The following POLR3C variants were observed in gnomAD, a reference collection of about 807,000 sequenced individuals.
The protein encoded by POLR3C is RNA polymerase III subunit C.
In POLR3C, 44 loss-of-function variants were observed where a neutral mutation model predicts 65.9. That is an observed-to-expected ratio of 0.67 (90% CI 0.52 to 0.86). The LOEUF (loss-of-function observed/expected upper bound fraction) is 0.86, where lower values mean the gene tolerates loss of function less well. Ranked by LOEUF, POLR3C falls within the 40% of genes least tolerant of loss-of-function variation. POLR3C has a pLI of 0.00. For missense variants in POLR3C, 576 were observed against 653.2 expected (o/e 0.88, Z 1.29); for synonymous variants, 263 against 231.6 (o/e 1.14, Z -1.23).
chr1:145,832,715 G>A (rs1553727490), intron 5 of POLR3C, among the ~76,000 whole-genome samples: 1 of 152,108 alleles, frequency 6.6e-6, no homozygotes, highest in African/African-American at 2.4e-5. Context: ...TGAAAGTAAT[G>A]GAGAAGAGTT....
At position 145,843,298 on chromosome 1, in the gene POLR3C, T is replaced by A. The variant is rs1371837433; in HGVS notation, c.*878T>A. On this transcript the variant is annotated 3_prime_UTR_variant, in exon 15 of 15. Coordinates refer to ENST00000334163, the MANE Select transcript of POLR3C (RefSeq NM_006468.8). ...CCTCTTCTCCATGGTTCCTTAAAAC[T>A]GGCAACGCTAAATTCTCTCTCTCAG... 6.6e-6 allele frequency among the ~76,000 whole-genome samples: 1 copy of A among 152,210 alleles called. No individual in the cohort carries two copies. The highest frequency in any genetic ancestry group is 2.1e-4 in the South Asian group (1 of 4,832).
At position 145,825,399 on chromosome 1, in the gene POLR3C, C is replaced by G. The variant is rs999173191; in HGVS notation, c.-20-358C>G. Among the ~76,000 whole-genome samples, 4 of 152,306 alleles carry G rather than the reference C, an allele frequency of 2.6e-5. No homozygotes were observed. In the East Asian group the frequency reaches 5.8e-4, roughly 22 times the overall value. On this transcript the variant is annotated intron_variant, in intron 1 of 14. Coordinates refer to ENST00000334163, the MANE Select transcript of POLR3C (RefSeq NM_006468.8). ...GTGCTAGGATTACAGGCCTGAGCCA[C>G]CGCGCCAGCCTATTATGAATAATTT...
chr1:145,824,704 AAGGAGT>A (rs1372509347), intron 1 of POLR3C, among the ~76,000 whole-genome samples: 8 of 152,328 alleles, frequency 5.3e-5, no homozygotes, highest in Admixed American at 2.0e-4. Context: ...CAACTTTGTC[AAGGAGT>A]AGAAGTTTAA....
intron 14 of POLR3C, among the ~76,000 whole-genome samples, chr1:145,841,731 A>G (rs1432956590): frequency 2.0e-5 from 3 of 151,900 alleles, no homozygotes. Context: ...GATTTTTTAT[A>G]ATAGGATTAT....
chr1:145,834,637 T>C (rs1294827917), intron 7 of POLR3C, among the ~76,000 whole-genome samples: 1 of 152,064 alleles, frequency 6.6e-6, no homozygotes, highest in African/African-American at 2.4e-5. Flanking sequence ...ATCATACCAC[T>C]GCACTCCAGC....
intron 1 of POLR3C, among the ~76,000 whole-genome samples, chr1:145,824,813 C>G (rs1650566736): frequency 6.6e-6 from 1 of 152,054 alleles, no homozygotes; most frequent in Non-Finnish European, 1.5e-5. Flanking sequence ...ATTTCTTTTT[C>G]GAAATTATCA....
At position 145,843,384 on chromosome 1, in the gene POLR3C, A is replaced by AAT. The variant is rs587650657; in HGVS notation, c.*967_*968dup. On this transcript the variant is annotated 3_prime_UTR_variant, in exon 15 of 15. Coordinates refer to ENST00000334163, the MANE Select transcript of POLR3C (RefSeq NM_006468.8). ...CATTTAAAGCAGTTAGATGTTTTAT[A>AAT]ATATCTTCAGTTTTCTCTCACCAAT... is the stretch of plus-strand genomic sequence containing the variant. Among the ~76,000 whole-genome samples the AAT allele has an allele frequency of 5.8e-4, 87 of 149,760 alleles. No homozygotes were observed. Among genetic ancestry groups the AAT allele is most frequent in the African/African-American group, 2.1e-3 (85 of 40,562 alleles).
At chr1:145,837,096 C>T (rs1651912507) in intron 9 of POLR3C, among the ~76,000 whole-genome samples, 1 of 152,076 alleles carries the variant, frequency 6.6e-6, no homozygotes, top group African/African-American at 2.4e-5. Flanking sequence ...ATTGCATGAA[C>T]CCAGGAGTTC....
chr1:145,831,135 TACC>T (rs1651276253), intron 5 of POLR3C, among the ~76,000 whole-genome samples: 1 of 151,864 alleles, frequency 6.6e-6, no homozygotes, highest in Non-Finnish European at 1.5e-5. Flanking sequence ...ATAGTGTAGT[TACC>T]TGAAAACTTA....
In POLR3C at chr1:145,838,334, T is replaced by G. The variant is rs1201988056; in HGVS notation, c.1221+128T>G. ...CAGCTCTGAGACAGAAAAACATGAT[T>G]CACAGAGACATAGCGAGCACTTGGA... On this transcript the variant is annotated intron_variant, in intron 11 of 14. Transcript: ENST00000334163. 6.5e-6 allele frequency: 5 copies of G among 766,546 alleles called. No individual in the cohort carries two copies. The African/African-American group carries it at 8.7e-5, about 13-fold the overall frequency. The allele number at this position is 766,546 out of a possible 1,614,324, so 47.5% of individuals were successfully genotyped here. A position where few individuals can be genotyped will look rare whatever the true frequency, so the allele number is the denominator to read the frequency against.
Position 145,842,372 on chromosome 1 carries a change from C to G in POLR3C, c.1557C>G (p.Thr519=). The G allele has an allele frequency of 2.5e-6, 4 of 1,611,916 alleles. No homozygotes were observed. Among genetic ancestry groups the G allele is most frequent in the Non-Finnish European group, 1.7e-6 (2 of 1,178,608 alleles). The change falls in exon 15 of 15, where the codon ACC becomes ACG. Residue 519 remains threonine (T), a synonymous_variant. Transcript: ENST00000334163. ...CCAGTGAGATCCAGGTGGACGAAACCATCTTCCTGCTGGAGTCTTACATTG... is the reference window on the plus strand; with the variant it reads ...CCAGTGAGATCCAGGTGGACGAAACGATCTTCCTGCTGGAGTCTTACATTG... ...LDASEIQVDE[T]IFLLESYIEC...
intron 11 of POLR3C, 157 bp from the exon 12 acceptor site, chr1:145,839,733 A>G (rs1451718225): frequency 1.7e-6 from 1 of 584,006 alleles, no homozygotes; most frequent in East Asian, 2.8e-5. Flanking sequence ...CCAGTCTCAA[A>G]ATAAATAAAT....
At chr1:145,840,863 C>A in intron 13 of POLR3C, 59 bp from the exon 14 acceptor site, 2 of 1,366,766 alleles carry the variant, frequency 1.5e-6, no homozygotes, top group Non-Finnish European at 2.1e-6. Flanking sequence ...CTCAGACACA[C>A]GTGGTAAGAG....
intron 13 of POLR3C, 43 bp downstream of exon 13, chr1:145,840,208 C>G: frequency 1.6e-6 from 2 of 1,257,284 alleles, no homozygotes; most frequent in Non-Finnish European, 1.2e-6. Context: ...CTTTCAAGAT[C>G]AAGGGCCTCA....
intron 11 of POLR3C, among the ~76,000 whole-genome samples, chr1:145,838,540 G>T (rs1553729492): frequency 6.6e-6 from 1 of 151,970 alleles, no homozygotes; most frequent in East Asian, 1.9e-4. Flanking sequence ...ACAATTAGCT[G>T]GGCCTGGTGG....
At position 145,828,736 on chromosome 1, in the gene POLR3C, G is replaced by A; in HGVS notation, c.590-13G>A. On this transcript the variant is annotated splice_polypyrimidine_tract_variant and intron_variant, in intron 4 of 14. Transcript: ENST00000334163. Reference sequence around the variant, plus strand: ...TGAGATATAGTCTAAGTGTTTAATTGTTTGTTTGGCAGGGAAAGGTAAAAG... The same window carrying A: ...TGAGATATAGTCTAAGTGTTTAATTATTTGTTTGGCAGGGAAAGGTAAAAG... 6 of 1,580,712 alleles carry A rather than the reference G, an allele frequency of 3.8e-6. No individual in the cohort carries two copies. The highest frequency in any genetic ancestry group is 5.2e-6 in the Non-Finnish European group (6 of 1,149,636).
At chr1:145,829,327 G>T (rs1437496762) in intron 5 of POLR3C, among the ~76,000 whole-genome samples, 1 of 152,124 alleles carries the variant, frequency 6.6e-6, no homozygotes, top group Non-Finnish European at 1.5e-5. Context: ...CAGCCGCCTA[G>T]GACACCACCA....
chr1:145,839,576 T>A (rs1489007292), intron 11 of POLR3C: 1 of 223,914 alleles, frequency 4.5e-6, no homozygotes, highest in Non-Finnish European at 8.8e-6. Context: ...CCCCAAAAGA[T>A]TAAAAAATTA....
chr1:145,827,177 CAT>C (rs1650832190), intron 4 of POLR3C, among the ~76,000 whole-genome samples, 172 bp downstream of exon 4: 1 of 152,124 alleles, frequency 6.6e-6, no homozygotes, highest in Admixed American at 6.5e-5. Context: ...GTATAGGAGA[CAT>C]ACATTAATCG....
Sources: allele counts gnomAD v4.1 joint callset (sites outside exome capture counted in the v4.1 genomes callset), GRCh38; gene constraint gnomAD v4.1.1; transcripts MANE v1.5; gene names NCBI Gene and HGNC (gene_info 2026-07-23, HGNC 2026-07-21).